The following MDGA2 variants were observed in gnomAD, a reference collection of about 807,000 sequenced individuals.
MDGA2 encodes MAM domain containing glycosylphosphatidylinositol anchor 2, also known as MAM domain-containing glycosylphosphatidylinositol anchor protein 2.
MDGA2 carries 40 observed loss-of-function variants against 117.8 expected under a neutral mutation model. The observed-to-expected ratio is 0.34, with a 90% CI of 0.26 to 0.44. The LOEUF is 0.44. Among genes scored for constraint, MDGA2 ranks in the 20% least tolerant of loss-of-function variants. The pLI, the probability that MDGA2 is intolerant of heterozygous loss-of-function variation, is 1.00. For synonymous variants in MDGA2, 452 were observed against 439.0 expected, an observed-to-expected ratio of 1.03 and a Z score of -0.37; for missense variants, 1,123 against 1,250.6, an observed-to-expected ratio of 0.90 and a Z score of 1.54.
intron 1 of MDGA2, among the ~76,000 whole-genome samples, chr14:47,345,883 A>C (rs1890752072): frequency 6.6e-6 from 1 of 152,114 alleles, no homozygotes; most frequent in African/African-American, 2.4e-5. Flanking sequence ...TAGCTAAAAA[A>C]GTTGATCTCA....
intron 1 of MDGA2, among the ~76,000 whole-genome samples, chr14:47,323,703 T>A (rs1326486324): frequency 6.6e-6 from 1 of 151,368 alleles, no homozygotes; most frequent in African/African-American, 2.4e-5. Context: ...TATAGAACAG[T>A]TACTAAACAT....
At chr14:47,134,547 T>C (rs895217064) in intron 4 of MDGA2, among the ~76,000 whole-genome samples, 1 of 151,932 alleles carries the variant, frequency 6.6e-6, no homozygotes, top group South Asian at 2.1e-4. Context: ...GAAGGAAATT[T>C]GAACTGAAGA....
chr14:47,391,901 A>G (rs1891903569), intron 1 of MDGA2, among the ~76,000 whole-genome samples: 1 of 152,164 alleles, frequency 6.6e-6, no homozygotes, highest in Non-Finnish European at 1.5e-5. Flanking sequence ...AAGTTATTTT[A>G]AACTGACACC....
In MDGA2 at chr14:47,183,967, T is replaced by C. The variant is rs186112051; in HGVS notation, c.595+34054A>G. Among the ~76,000 whole-genome samples the C allele has an allele frequency of 1.1e-4, 17 of 152,134 alleles. No homozygotes were observed. The East Asian group carries it at 1.7e-3, about 16-fold the overall frequency. On this transcript the variant is annotated intron_variant, in intron 3 of 16. Coordinates refer to ENST00000399232, the MANE Select transcript of MDGA2 (RefSeq NM_001113498.3). Reference sequence around the variant, plus strand: ...AACTTAGACATCAATTCCAGGAATATGTCTTCCATGATAATTCCTCCTGTT... The same window carrying C: ...AACTTAGACATCAATTCCAGGAATACGTCTTCCATGATAATTCCTCCTGTT...
chr14:47,288,216 C>T (rs1286555152), intron 2 of MDGA2, among the ~76,000 whole-genome samples: 1 of 152,142 alleles, frequency 6.6e-6, no homozygotes, highest in Non-Finnish European at 1.5e-5. Context: ...ATAAAATTTA[C>T]ATATCTCATG....
intron 2 of MDGA2, among the ~76,000 whole-genome samples, chr14:47,252,670 C>G (rs777288299): frequency 1.3e-5 from 2 of 151,964 alleles, no homozygotes; most frequent in Non-Finnish European, 2.9e-5. Context: ...AACCTGAATT[C>G]AAAGCTTGAC....
At chr14:46,914,180 G>A (rs927381292) in intron 10 of MDGA2, among the ~76,000 whole-genome samples, 14 of 151,988 alleles carry the variant, frequency 9.2e-5, no homozygotes, top group African/African-American at 2.9e-4. Context: ...CATTTTTCCT[G>A]TTTTTTAATT....
chr14:47,634,002 A>C (rs945079864), intron 1 of MDGA2, among the ~76,000 whole-genome samples: 4 of 152,150 alleles, frequency 2.6e-5, no homozygotes, highest in African/African-American at 9.7e-5. Flanking sequence ...GTACAGACCA[A>C]AGTGTATGTA....
intron 11 of MDGA2, among the ~76,000 whole-genome samples, chr14:46,879,549 T>C (rs2138382483): frequency 1.3e-5 from 2 of 152,300 alleles, no homozygotes; most frequent in East Asian, 3.9e-4. Flanking sequence ...AAAAGTAATA[T>C]CTATTTCCTG....
chr14:47,538,800 G>A (rs1013090503), intron 1 of MDGA2, among the ~76,000 whole-genome samples: 4 of 152,096 alleles, frequency 2.6e-5, no homozygotes, highest in Non-Finnish European at 4.4e-5. Flanking sequence ...TATACAGCAC[G>A]TATCTGGGTG....
At chr14:47,166,033 C>CTTTTTT (rs35219016) in intron 3 of MDGA2, among the ~76,000 whole-genome samples, 2 of 115,518 alleles carry the variant, frequency 1.7e-5, no homozygotes, top group Non-Finnish European at 3.6e-5. Context: ...GCACTGTTTA[C>CTTTTTT]TTTTTTTTTT....
chr14:47,535,949 C>T (rs1406921636), intron 1 of MDGA2, among the ~76,000 whole-genome samples: 1 of 152,212 alleles, frequency 6.6e-6, no homozygotes, highest in African/African-American at 2.4e-5. Flanking sequence ...TCCAAGAGGG[C>T]TTCACATGTC....
At chr14:47,221,100 T>G (rs568396370) in intron 2 of MDGA2, among the ~76,000 whole-genome samples, 2 of 152,112 alleles carry the variant, frequency 1.3e-5, no homozygotes, top group South Asian at 4.1e-4. Flanking sequence ...GTATACAATT[T>G]AAATACTAAA....
chr14:47,419,798 G>C (rs998004632), intron 1 of MDGA2, among the ~76,000 whole-genome samples: 3 of 151,926 alleles, frequency 2.0e-5, no homozygotes, highest in African/African-American at 7.3e-5. Context: ...TTCAATGGGG[G>C]ATAAAATATT....
intron 1 of MDGA2, among the ~76,000 whole-genome samples, chr14:47,464,100 TACACAC>T (rs71449610): frequency 0.29 from 41,329 of 141,410 alleles, 6,126 homozygotes; most frequent in East Asian, 0.51. Context: ...ACTTACTATG[TACACAC>T]ACACACACAC....
At chr14:47,443,311 C>A (rs574725246) in intron 1 of MDGA2, among the ~76,000 whole-genome samples, 2 of 152,156 alleles carry the variant, frequency 1.3e-5, no homozygotes, top group African/African-American at 4.8e-5. Flanking sequence ...GGGTAGAAGA[C>A]ACGAACAGAC....
At chr14:47,169,469 C>T (rs750566837) in intron 3 of MDGA2, among the ~76,000 whole-genome samples, 89 of 151,802 alleles carry the variant, frequency 5.9e-4, no homozygotes, top group Non-Finnish European at 1.1e-3. Context: ...TATAACTTCT[C>T]AAAATATATC....
chr14:47,223,318 T>C (rs1886365831), intron 2 of MDGA2, among the ~76,000 whole-genome samples: 1 of 152,118 alleles, frequency 6.6e-6, no homozygotes, highest in Non-Finnish European at 1.5e-5. Flanking sequence ...CCTCTACATA[T>C]TAAGGAATGA....
intron 5 of MDGA2, among the ~76,000 whole-genome samples, chr14:47,106,576 A>T (rs1038911612): frequency 6.6e-6 from 1 of 151,686 alleles, no homozygotes; most frequent in Non-Finnish European, 1.5e-5. Context: ...CCTGGCAGCC[A>T]CTCCCAGAGC....
Sources: gnomAD v4.1 joint callset for allele counts (sites outside exome capture counted in the v4.1 genomes callset) on GRCh38, gnomAD v4.1.1 for gene constraint, MANE v1.5 for transcripts, NCBI Gene and HGNC (gene_info 2026-07-23, HGNC 2026-07-21) for gene names.